The following SLC4A4 variants were observed in gnomAD, a reference collection of about 807,000 sequenced individuals.
The protein encoded by SLC4A4 is electrogenic sodium bicarbonate cotransporter 1.
Under a neutral mutation model 111.5 loss-of-function variants are expected in SLC4A4, and 27 were observed. The ratio of observed to expected loss-of-function variants is 0.24; its 90% confidence interval spans 0.18 to 0.33. SLC4A4 has a LOEUF of 0.33. Ranked by LOEUF, SLC4A4 falls within the 10% of genes least tolerant of loss-of-function variation. The pLI is 1.00. For synonymous variants in SLC4A4, 443 were observed against 463.4 expected (o/e 0.96, Z 0.57); for missense variants, 909 against 1,315.5 (o/e 0.69, Z 4.78).
intron 2 of SLC4A4, among the ~76,000 whole-genome samples, chr4:71,100,635 TAGAA>T (rs1271575633): frequency 2.0e-5 from 3 of 152,086 alleles, no homozygotes; most frequent in African/African-American, 4.8e-5. Flanking sequence ...GATATCCAAA[TAGAA>T]AGAGAGGAAG....
intron 3 of SLC4A4, among the ~76,000 whole-genome samples, chr4:71,297,081 T>C (rs190177046): frequency 7.9e-5 from 12 of 152,298 alleles, no homozygotes; most frequent in Non-Finnish European, 1.5e-5. Context: ...GTGGCTAAGC[T>C]TAGTTGCACC....
At chr4:71,351,782 T>G (rs1210377055) in intron 5 of SLC4A4, among the ~76,000 whole-genome samples, 1 of 152,188 alleles carries the variant, frequency 6.6e-6, no homozygotes, top group Admixed American at 6.5e-5. Flanking sequence ...TATTCAGCAG[T>G]AGTACATGGG....
rs185787944 is a variant in SLC4A4 at position 71,569,051 on chromosome 4, C to T, written c.*1300C>T. The T allele has an allele frequency of 1.3e-5, 2 of 151,600 alleles. No individual in the cohort carries two copies. The highest frequency in any genetic ancestry group is 3.9e-4 in the East Asian group (2 of 5,116). The allele number at this position is 151,600 out of a possible 1,614,324, so 9.4% of individuals were successfully genotyped here. The stretch of plus-strand genomic sequence containing the variant: ...AAATATTTGTGTGTTTGTGTATGTG[C>T]TCTGTGCCATGGCTGGTGTATATAT... On this transcript the variant is annotated 3_prime_UTR_variant, in exon 26 of 26. Transcript: ENST00000264485.
chr4:71,240,402 C>T (rs1720115601), intron 2 of SLC4A4, among the ~76,000 whole-genome samples: 1 of 152,194 alleles, frequency 6.6e-6, no homozygotes, highest in African/African-American at 2.4e-5. Context: ...CAACCAACAA[C>T]TCAGAAAATA....
At chr4:71,520,559 C>A (rs62303780) in intron 16 of SLC4A4, among the ~76,000 whole-genome samples, 86,063 of 152,096 alleles carry the variant, frequency 0.57, 27,919 homozygotes, top group Non-Finnish European at 0.74. Context: ...ACTTCAGTTA[C>A]CTCACCTATA....
chr4:71,116,959 T>A (rs1337419260), intron 2 of SLC4A4, among the ~76,000 whole-genome samples: 58 of 146,770 alleles, frequency 4.0e-4, no homozygotes, highest in African/African-American at 1.3e-3. Flanking sequence ...AAAAAAAAAA[T>A]GCTTGTAAAA....
Position 71,268,591 on chromosome 4 carries a change from A to G in SLC4A4, c.253+13192A>G, listed in dbSNP as rs954153312. On this transcript the variant is annotated intron_variant, in intron 3 of 25. Transcript: ENST00000264485. ...GAGGAATTTTGAAACCTTTATTACT[A>G]AGTACAACAGAGTATTTTTGTTCAT... Among the ~76,000 whole-genome samples the G allele has an allele frequency of 2.0e-5, 3 of 152,214 alleles. No homozygotes were observed. The East Asian group carries it at 5.8e-4, about 29-fold the overall frequency.
intron 1 of SLC4A4, among the ~76,000 whole-genome samples, chr4:71,079,016 A>G (rs1242480277): frequency 2.0e-5 from 3 of 152,054 alleles, no homozygotes; most frequent in African/African-American, 7.2e-5. Flanking sequence ...ATGGGGTTTC[A>G]CTATGTTGGT....
intron 3 of SLC4A4, among the ~76,000 whole-genome samples, chr4:71,311,456 T>C (rs926907019): frequency 2.0e-5 from 3 of 152,156 alleles, no homozygotes; most frequent in African/African-American, 7.2e-5. Flanking sequence ...AAAACACTCC[T>C]TAGCAAATGC....
Position 71,270,633 on chromosome 4 carries a change from A to C in SLC4A4, c.253+15234A>C, listed in dbSNP as rs1336292392. On this transcript the variant is annotated intron_variant, in intron 3 of 25. Transcript: ENST00000264485. ...TAAGAGCTACTTGGTTCTAACCCAA[A>C]CTGAACTTAAAAACATCCCCTACTC... 2.6e-5 allele frequency among the ~76,000 whole-genome samples: 4 copies of C among 152,234 alleles called. No individual in the cohort carries two copies. In the East Asian group the frequency reaches 7.7e-4, roughly 29 times the overall value.
intron 3 of SLC4A4, among the ~76,000 whole-genome samples, chr4:71,331,763 T>A (rs1269501181): frequency 6.6e-6 from 1 of 151,938 alleles, no homozygotes; most frequent in Non-Finnish European, 1.5e-5. Context: ...TTGGATAGGA[T>A]TGGCATTAGT....
intron 14 of SLC4A4, among the ~76,000 whole-genome samples, chr4:71,485,062 T>G (rs60118111): frequency 0.13 from 19,789 of 151,878 alleles, 1,528 homozygotes; most frequent in African/African-American, 0.22. Flanking sequence ...GTTTTCTAGA[T>G]GCAGGATCAT....
chr4:71,087,598 T>C lies in SLC4A4; in HGVS notation c.-64-5132T>C, dbSNP rs1030437535. Among the ~76,000 whole-genome samples, 42 of 152,080 alleles carry C rather than the reference T, an allele frequency of 2.8e-4. 1 individual carries two copies. Among genetic ancestry groups the C allele is most frequent in the African/African-American group, 8.0e-4 (33 of 41,336 alleles). Reference sequence around the variant, plus strand: ...TGAATGTGTCCCAGAGATTCTGGTATGTTGTGTCTTTGTTCTCATTGGTTT... The same window carrying C: ...TGAATGTGTCCCAGAGATTCTGGTACGTTGTGTCTTTGTTCTCATTGGTTT... On this transcript the variant is annotated intron_variant, in intron 1 of 26. Transcript: ENST00000649996.
chr4:71,561,199 A>G (rs1031816858), intron 23 of SLC4A4, among the ~76,000 whole-genome samples: 5 of 151,854 alleles, frequency 3.3e-5, no homozygotes, highest in African/African-American at 1.2e-4. Flanking sequence ...TTGATTGATC[A>G]TTGCATACTT....
chr4:71,121,376 C>T (rs559964799), intron 2 of SLC4A4, among the ~76,000 whole-genome samples: 12 of 152,340 alleles, frequency 7.9e-5, no homozygotes, highest in South Asian at 2.1e-4. Flanking sequence ...GTGGGACTGG[C>T]GGGCAGCTCC....
chr4:71,452,318 T>C (rs1370449659), intron 11 of SLC4A4, among the ~76,000 whole-genome samples: 1 of 152,218 alleles, frequency 6.6e-6, no homozygotes, highest in Non-Finnish European at 1.5e-5. Context: ...TTATTTCCAT[T>C]AGGAATATCC....
chr4:71,129,378 A>G (rs1462001432), intron 2 of SLC4A4, among the ~76,000 whole-genome samples: 1 of 152,210 alleles, frequency 6.6e-6, no homozygotes, highest in African/African-American at 2.4e-5. Flanking sequence ...GCTCAACATC[A>G]TTAATTATTA....
At chr4:71,518,827 C>T (rs1380470813) in intron 16 of SLC4A4, among the ~76,000 whole-genome samples, 2 of 152,178 alleles carry the variant, frequency 1.3e-5, no homozygotes, top group African/African-American at 2.4e-5. Flanking sequence ...GTGGGGGCAA[C>T]CCGGATCAGT....
intron 13 of SLC4A4, among the ~76,000 whole-genome samples, chr4:71,469,913 G>A (rs1458366482): frequency 3.3e-5 from 5 of 151,884 alleles, no homozygotes; most frequent in Non-Finnish European, 7.4e-5. Context: ...CCAAACTAAT[G>A]TTGTTCCTAA....
Sources: gnomAD v4.1 joint callset for allele counts (sites outside exome capture counted in the v4.1 genomes callset) on GRCh38, gnomAD v4.1.1 for gene constraint, MANE v1.5 for transcripts, NCBI Gene and HGNC (gene_info 2026-07-23, HGNC 2026-07-21) for gene names.